Variants in BBS9 observed in about 807,000 individuals in gnomAD.
The protein encoded by BBS9 is protein PTHB1.
In BBS9, 89 loss-of-function variants were observed where a neutral mutation model predicts 117.7. The ratio of observed to expected loss-of-function variants is 0.76; its 90% confidence interval spans 0.64 to 0.90. BBS9 has a LOEUF of 0.90. Ranked by LOEUF, BBS9 falls within the 40% of genes least tolerant of loss-of-function variation. BBS9 has a pLI of 0.00. For missense variants in BBS9, 982 were observed against 1,042.2 expected (o/e 0.94, Z 0.80); for synonymous variants, 379 against 370.9 (o/e 1.02, Z -0.25).
intron 9 of BBS9, among the ~76,000 whole-genome samples, chr7:33,300,091 T>G (rs564718905): frequency 2.4e-4 from 36 of 152,280 alleles, no homozygotes; most frequent in Middle Eastern, 3.4e-3. Context: ...AGAAGGGATT[T>G]GTTATTGGAT....
At chr7:33,596,609 C>A (rs1044120532) in intron 21 of BBS9, among the ~76,000 whole-genome samples, 5 of 152,140 alleles carry the variant, frequency 3.3e-5, no homozygotes, top group African/African-American at 1.2e-4. Flanking sequence ...TGTGTAAGTC[C>A]TTGTCTGTGT....
intron 9 of BBS9, among the ~76,000 whole-genome samples, chr7:33,281,668 G>T (rs1353160575): frequency 6.6e-6 from 1 of 151,914 alleles, no homozygotes; most frequent in Non-Finnish European, 1.5e-5. Flanking sequence ...GAGCCATTGT[G>T]TCTGGCCAAT....
At chr7:33,433,555 A>G (rs1834849570) in intron 19 of BBS9, among the ~76,000 whole-genome samples, 1 of 152,214 alleles carries the variant, frequency 6.6e-6, no homozygotes, top group South Asian at 2.1e-4. Context: ...CAAGTAATGT[A>G]TTATTCATGC....
intron 5 of BBS9, among the ~76,000 whole-genome samples, chr7:33,219,211 G>A (rs560478350): frequency 8.5e-5 from 13 of 152,322 alleles, no homozygotes; most frequent in Non-Finnish European, 1.8e-4. Context: ...CTGCCTTCCC[G>A]TGGGGCAGGG....
At chr7:33,309,847 A>T (rs1808837435) in intron 9 of BBS9, among the ~76,000 whole-genome samples, 1 of 152,228 alleles carries the variant, frequency 6.6e-6, no homozygotes, top group African/African-American at 2.4e-5. Flanking sequence ...ATAGCATTGA[A>T]TTCTCAGGGA....
At chr7:33,530,905 G>C (rs1220091081) in intron 20 of BBS9, among the ~76,000 whole-genome samples, 11 of 152,136 alleles carry the variant, frequency 7.2e-5, no homozygotes, top group Admixed American at 7.2e-4. Flanking sequence ...CAATCAGTGG[G>C]AAGTTCTCTA....
At chr7:33,409,054 T>C (rs1830625941) in intron 19 of BBS9, among the ~76,000 whole-genome samples, 1 of 152,186 alleles carries the variant, frequency 6.6e-6, no homozygotes, top group Admixed American at 6.5e-5. Context: ...TTTAATGAGG[T>C]TGTTTTTTGC....
At chr7:33,303,209 A>G (rs77715422) in intron 9 of BBS9, among the ~76,000 whole-genome samples, 2,434 of 152,308 alleles carry the variant, frequency 0.016, 70 homozygotes, top group African/African-American at 0.055. Context: ...TTGTCTGCCA[A>G]TAAGGATAAT....
chr7:33,223,037 C>T (rs1790555543), intron 5 of BBS9, among the ~76,000 whole-genome samples: 1 of 151,800 alleles, frequency 6.6e-6, no homozygotes, highest in Non-Finnish European at 1.5e-5. Context: ...GGTTCTGGCC[C>T]TGCTAAGCCC....
intron 21 of BBS9, among the ~76,000 whole-genome samples, chr7:33,541,492 A>T (rs1025500802): frequency 2.6e-4 from 39 of 152,234 alleles, no homozygotes; most frequent in Non-Finnish European, 1.2e-4. Flanking sequence ...TTTCAGTGCT[A>T]CCATAAAAAA....
intron 19 of BBS9, among the ~76,000 whole-genome samples, chr7:33,400,657 G>A (rs1241729760): frequency 6.6e-6 from 1 of 152,040 alleles, no homozygotes; most frequent in Admixed American, 6.6e-5. Flanking sequence ...AGAAAAAGAT[G>A]TACTGTTTTT....
At chr7:33,177,006 T>A (rs1475373491) in intron 4 of BBS9, among the ~76,000 whole-genome samples, 1 of 152,192 alleles carries the variant, frequency 6.6e-6, no homozygotes. Context: ...AATTTCTCAA[T>A]TAAATTAGAA....
intron 5 of BBS9, among the ~76,000 whole-genome samples, chr7:33,236,664 T>C (rs1410401561): frequency 6.6e-6 from 1 of 152,110 alleles, no homozygotes; most frequent in Non-Finnish European, 1.5e-5. Flanking sequence ...TTGACAATTT[T>C]ATATATTAAT....
At chr7:33,612,696 A>G (rs1202569769) in intron 21 of BBS9, among the ~76,000 whole-genome samples, 1 of 152,028 alleles carries the variant, frequency 6.6e-6, no homozygotes, top group Non-Finnish European at 1.5e-5. Context: ...CTCATCTGCT[A>G]GGAGTCTTGT....
intron 19 of BBS9, among the ~76,000 whole-genome samples, chr7:33,396,239 T>C (rs1370632846): frequency 6.6e-6 from 1 of 152,160 alleles, no homozygotes; most frequent in Non-Finnish European, 1.5e-5. Flanking sequence ...TTAATTATCT[T>C]TGCAGGAAAT....
At chr7:33,316,219 A>G (rs1810479119) in intron 9 of BBS9, among the ~76,000 whole-genome samples, 1 of 152,160 alleles carries the variant, frequency 6.6e-6, no homozygotes, top group African/African-American at 2.4e-5. Flanking sequence ...TACAGTAGGT[A>G]TGTTTTAATA....
Position 33,265,838 on chromosome 7 carries a change from G to A in BBS9, c.702+1464G>A, listed in dbSNP as rs139336652. ...AGCCTGGGTGACAGAGCAAGACTCC[G>A]TCTCAAAATAAAAAAAGTTGTTATA... On this transcript the variant is annotated intron_variant, in intron 7 of 22. Transcript: ENST00000242067. Among the ~76,000 whole-genome samples, 1,185 of 151,914 alleles carry A rather than the reference G, an allele frequency of 7.8e-3. 9 individuals carry two copies. The highest frequency in any genetic ancestry group is 0.013 in the Non-Finnish European group (866 of 67,954).
At chr7:33,169,697 G>C (rs1259989593) in intron 4 of BBS9, among the ~76,000 whole-genome samples, 1 of 151,908 alleles carries the variant, frequency 6.6e-6, no homozygotes, top group Non-Finnish European at 1.5e-5. Context: ...GTTCATTGTA[G>C]ATTCTGGATA....
At chr7:33,391,876 CAT>C (rs1179225119) in intron 19 of BBS9, among the ~76,000 whole-genome samples, 10 of 152,152 alleles carry the variant, frequency 6.6e-5, no homozygotes, top group Admixed American at 4.6e-4. Flanking sequence ...ATTTTTGACA[CAT>C]GAGGTTTAAA....
Sources: allele counts gnomAD v4.1 joint callset (sites outside exome capture counted in the v4.1 genomes callset), GRCh38; gene constraint gnomAD v4.1.1; transcripts MANE v1.5; gene names NCBI Gene and HGNC (gene_info 2026-07-23, HGNC 2026-07-21).